Variants in SYNPR observed in about 807,000 individuals in gnomAD.
SYNPR encodes the protein synaptoporin.
In SYNPR, 23 loss-of-function variants were observed where a neutral mutation model predicts 32.9. That is an observed-to-expected ratio of 0.70 (90% CI 0.50 to 0.99). The LOEUF (loss-of-function observed/expected upper bound fraction) is 0.99, where lower values mean the gene tolerates loss of function less well. SYNPR is among the 50% of genes least tolerant of loss of function. The probability of loss-of-function intolerance (pLI) is 0.00; values close to 1 mark genes in which losing one functional copy is unlikely to be tolerated. For synonymous variants in SYNPR, 146 were observed against 135.9 expected (o/e 1.07, Z -0.52); for missense variants, 318 against 349.3 (o/e 0.91, Z 0.71).
At chr3:63,565,556 T>C (rs1057265176) in intron 4 of SYNPR, among the ~76,000 whole-genome samples, 3 of 152,222 alleles carry the variant, frequency 2.0e-5, no homozygotes, top group Admixed American at 2.0e-4. Context: ...GGGGCCCTCA[T>C]GGTCTAATGA....
chr3:63,582,048 G>A (rs1703102283), intron 4 of SYNPR, among the ~76,000 whole-genome samples: 1 of 152,112 alleles, frequency 6.6e-6, no homozygotes, highest in East Asian at 1.9e-4. Flanking sequence ...TAAACTGAAT[G>A]AGAGTGGTCT....
intron 2 of SYNPR, among the ~76,000 whole-genome samples, chr3:63,436,437 G>T (rs1700086709): frequency 6.7e-6 from 1 of 149,458 alleles, no homozygotes; most frequent in South Asian, 2.1e-4. Context: ...GTGGTGTTTG[G>T]TTTTTTGTCC....
At chr3:63,571,475 G>C (rs1445932169) in intron 4 of SYNPR, among the ~76,000 whole-genome samples, 1 of 152,014 alleles carries the variant, frequency 6.6e-6, no homozygotes, top group African/African-American at 2.4e-5. Context: ...CTGGTTGAGG[G>C]AGGTTACTTG....
rs1427191372 is a variant in SYNPR, at chr3:63,616,508, T to C, written c.*1027T>C. ...ATCCTGTTTATTTGTAAAGCTAATA[T>C]GCTCCTCAATGTAATTATTAAAAAT... is the stretch of plus-strand genomic sequence containing the variant. On this transcript the variant is annotated 3_prime_UTR_variant, in exon 6 of 6. Coordinates refer to ENST00000478300, the MANE Select transcript of SYNPR (RefSeq NM_001130003.2). 4 of 152,644 alleles carry C rather than the reference T, an allele frequency of 2.6e-5. No individual in the cohort carries two copies. Among genetic ancestry groups the C allele is most frequent in the Non-Finnish European group, 4.4e-5 (3 of 68,034 alleles). The allele number at this position is 152,644 out of a possible 1,614,324, so 9.5% of individuals were successfully genotyped here. A position where few individuals can be genotyped will look rare whatever the true frequency, so the allele number is the denominator to read the frequency against.
At chr3:63,270,902 T>TTTCC (rs201745436) in intron 3 of SYNPR, among the ~76,000 whole-genome samples, 9 of 61,426 alleles carry the variant, frequency 1.5e-4, no homozygotes, top group East Asian at 7.3e-4. Context: ...CTTCCTTTTC[T>TTTCC]TTCCTTCCTT....
intron 2 of SYNPR, among the ~76,000 whole-genome samples, chr3:63,478,238 T>C (rs1227714096): frequency 6.6e-6 from 1 of 152,204 alleles, no homozygotes; most frequent in African/African-American, 2.4e-5. Flanking sequence ...TATATGATGG[T>C]ATTAATAATA....
intron 3 of SYNPR, among the ~76,000 whole-genome samples, chr3:63,268,980 T>G (rs1163591875): frequency 6.6e-6 from 1 of 152,222 alleles, no homozygotes; most frequent in Non-Finnish European, 1.5e-5. Context: ...TTGTTATAAT[T>G]TCAATAGTAA....
intron 3 of SYNPR, among the ~76,000 whole-genome samples, chr3:63,528,109 C>G (rs1308934338): frequency 2.6e-5 from 4 of 152,144 alleles, no homozygotes; most frequent in African/African-American, 9.7e-5. Flanking sequence ...AGATAAATGA[C>G]CTCTCTCTTT....
chr3:63,574,814 G>A (rs1425769580), intron 4 of SYNPR, among the ~76,000 whole-genome samples: 3 of 152,008 alleles, frequency 2.0e-5, no homozygotes, highest in Non-Finnish European at 2.9e-5. Context: ...CAATCTCAGG[G>A]GTAGAGATAG....
intron 3 of SYNPR, among the ~76,000 whole-genome samples, chr3:63,543,868 T>C (rs537961589): frequency 2.6e-5 from 4 of 152,188 alleles, no homozygotes; most frequent in African/African-American, 9.6e-5. Flanking sequence ...TCACCTTCCC[T>C]TATGTAGCTG....
Position 63,443,089 on chromosome 3 carries a change from C to T in SYNPR, c.85-37743C>T, listed in dbSNP as rs578254960. On this transcript the variant is annotated intron_variant, in intron 2 of 5. Coordinates refer to ENST00000478300, the MANE Select transcript of SYNPR (RefSeq NM_001130003.2). ...AGCCTGCTCGTGCAAAGCAGTCCTG[C>T]ACTTCCAGTTGTGAGCCAAGAGCCA... 140 of 1,074,654 alleles carry T rather than the reference C, an allele frequency of 1.3e-4. 1 individual carries two copies. In the African/African-American group the frequency reaches 2.0e-3, roughly 15 times the overall value. 66.6% of individuals were successfully genotyped at this position (1,074,654 alleles called of 1,614,324 possible).
At chr3:63,410,610 C>T (rs993580049) in intron 2 of SYNPR, among the ~76,000 whole-genome samples, 1 of 152,148 alleles carries the variant, frequency 6.6e-6, no homozygotes, top group African/African-American at 2.4e-5. Flanking sequence ...ATCTTTTAAA[C>T]ACCCTATTAT....
chr3:63,290,881 G>C (rs2086732237), intron 2 of SYNPR, among the ~76,000 whole-genome samples: 1 of 152,126 alleles, frequency 6.6e-6, no homozygotes. Flanking sequence ...TTTCTGGCTG[G>C]CCTTTTATGC....
chr3:63,472,361 T>A (rs916451801), intron 2 of SYNPR, among the ~76,000 whole-genome samples: 1 of 152,140 alleles, frequency 6.6e-6, no homozygotes, highest in Admixed American at 6.5e-5. Context: ...TCCTCATCTG[T>A]AAAATGAGGG....
In SYNPR at chr3:63,445,826, C is replaced by G. The variant is rs1700267445; in HGVS notation, c.85-35006C>G. ...CATCTGTCATTGGTACAATCTACAACAAACGCCTAGACTGAAATGATTTCC... is the reference window on the plus strand; with the variant it reads ...CATCTGTCATTGGTACAATCTACAAGAAACGCCTAGACTGAAATGATTTCC... On this transcript the variant is annotated intron_variant, in intron 2 of 5. Transcript: ENST00000478300. Among the ~76,000 whole-genome samples the G allele has an allele frequency of 2.0e-5, 3 of 152,304 alleles. No individual in the cohort carries two copies. In the South Asian group the frequency reaches 6.2e-4, roughly 32 times the overall value.
chr3:63,502,471 A>G (rs1701500630), intron 3 of SYNPR, among the ~76,000 whole-genome samples: 1 of 152,156 alleles, frequency 6.6e-6, no homozygotes, highest in African/African-American at 2.4e-5. Flanking sequence ...GAGTAAATGT[A>G]CAATGACATA....
chr3:63,202,634 T>G, the SYNPR span, among the ~76,000 whole-genome samples: 1 of 152,304 alleles, frequency 6.6e-6, no homozygotes, highest in African/African-American at 2.4e-5. Context: ...TTTTCAAAAG[T>G]GAATTCTTTA....
At chr3:63,288,570 C>T (rs914502540) in intron 2 of SYNPR, among the ~76,000 whole-genome samples, 1 of 152,126 alleles carries the variant, frequency 6.6e-6, no homozygotes, top group Non-Finnish European at 1.5e-5. Context: ...TGATCTTGTC[C>T]ATTTGTTGAA....
chr3:63,221,077 C>T, the SYNPR span, among the ~76,000 whole-genome samples: 268 of 152,116 alleles, frequency 1.8e-3, 1 homozygote, highest in African/African-American at 6.1e-3. Context: ...AGATCAAGTA[C>T]AAGGGAAGAA....
Sources: gnomAD v4.1 joint callset for allele counts (sites outside exome capture counted in the v4.1 genomes callset) on GRCh38, gnomAD v4.1.1 for gene constraint, MANE v1.5 for transcripts, NCBI Gene and HGNC (gene_info 2026-07-23, HGNC 2026-07-21) for gene names.